The following ARMC3 variants were observed in gnomAD, a reference collection of about 807,000 sequenced individuals.
ARMC3 encodes the protein armadillo repeat-containing protein 3.
ARMC3 carries 74 observed loss-of-function variants against 90.3 expected under a neutral mutation model. The ratio of observed to expected loss-of-function variants is 0.82; its 90% CI spans 0.68 to 0.99. The LOEUF (loss-of-function observed/expected upper bound fraction) is 0.99, where lower values mean the gene tolerates loss of function less well. Ranked by LOEUF, ARMC3 falls within the 50% of genes least tolerant of loss-of-function variation. The pLI is 0.00. For synonymous variants in ARMC3, 334 were observed against 361.8 expected (o/e 0.92, Z 0.87); for missense variants, 958 against 1,042.8 (o/e 0.92, Z 1.12).
chr10:23,006,309 G>A (rs1837612846), intron 13 of ARMC3, among the ~76,000 whole-genome samples: 2 of 152,160 alleles, frequency 1.3e-5, no homozygotes, highest in African/African-American at 2.4e-5. Context: ...GCAGTGTCCT[G>A]GGCAGAAGAA....
chr10:23,003,333 C>T lies in ARMC3; in HGVS notation c.1650C>T (p.Asn550=), dbSNP rs1837409702. Residue 550 remains asparagine (N), a synonymous_variant, in exon 13 of 19, where the codon AAC becomes AAT. Transcript: ENST00000298032. ...CAGCTTATAATAAGTTGCTCAATAA[C>T]AATCTTTCCCTGAAATACAGCCAGA... ...SEAAYNKLLN[N]NLSLKYSQTG... is the part of the protein sequence containing the mutation. The T allele has an allele frequency of 1.9e-6, 3 of 1,613,288 alleles. No individual in the cohort carries two copies. Among genetic ancestry groups the T allele is most frequent in the East Asian group, 4.5e-5 (2 of 44,838 alleles).
intron 8 of ARMC3, among the ~76,000 whole-genome samples, chr10:22,970,882 T>C (rs1835653880): frequency 6.6e-6 from 1 of 152,230 alleles, no homozygotes; most frequent in African/African-American, 2.4e-5. Context: ...TTCTTGCTTT[T>C]TAAATTGTGG....
intron 8 of ARMC3, among the ~76,000 whole-genome samples, chr10:22,973,110 A>G (rs1390442313): frequency 6.6e-6 from 1 of 152,004 alleles, no homozygotes; most frequent in Non-Finnish European, 1.5e-5. Context: ...CCTGGTCAAC[A>G]GAGCAAGACC....
chr10:23,005,324 T>G (rs1251922848), intron 13 of ARMC3, among the ~76,000 whole-genome samples: 1 of 150,102 alleles, frequency 6.7e-6, no homozygotes, highest in East Asian at 2.0e-4. Context: ...TTGCCATAGA[T>G]CAGATAAAAT....
intron 2 of ARMC3, among the ~76,000 whole-genome samples, chr10:22,945,072 C>T (rs1321006891): frequency 1.3e-5 from 2 of 152,294 alleles, no homozygotes; most frequent in Admixed American, 6.5e-5. Flanking sequence ...CATTTCTCCT[C>T]CAAAAGGGAA....
In ARMC3 at chr10:22,928,110, A is replaced by G. The variant is rs12259759; in HGVS notation, c.-2+4A>G. ...ACTCGGCGGGATCTCCCGGCAGGTA[A>G]AGGTAACCCCGTGGGGTGGGGAGGC... On this transcript the variant is annotated splice_donor_region_variant and intron_variant, in intron 1 of 18. Transcript: ENST00000298032. The G allele has an allele frequency of 0.045, 6,852 of 152,622 alleles. 535 individuals carry two copies. Among genetic ancestry groups the G allele is most frequent in the African/African-American group, 0.15 (6,402 of 41,560 alleles). The allele number at this position is 152,622 out of a possible 1,614,324, so 9.5% of individuals were successfully genotyped here. A position where few individuals can be genotyped will look rare whatever the true frequency, so the allele number is the denominator to read the frequency against.
chr10:22,936,299 A>T (rs763282392), intron 2 of ARMC3, among the ~76,000 whole-genome samples: 4 of 152,196 alleles, frequency 2.6e-5, no homozygotes, highest in Non-Finnish European at 4.4e-5. Context: ...GCTATTTTTT[A>T]AAAAAGAAGT....
At chr10:23,003,166 T>C (rs1837396448) in intron 12 of ARMC3, 80 bp from the exon 13 acceptor site, 1 of 1,283,510 alleles carries the variant, frequency 7.8e-7, no homozygotes, top group East Asian at 2.4e-5. Flanking sequence ...TCCTTCAGGA[T>C]CTGAAGTCGG....
chr10:22,998,356 G>C lies in ARMC3; in HGVS notation c.1384G>C (p.Ala462Pro), dbSNP rs769301977. The C allele has an allele frequency of 1.9e-6, 3 of 1,613,916 alleles. No homozygotes were observed. Among genetic ancestry groups the C allele is most frequent in the African/African-American group, 2.7e-5 (2 of 74,946 alleles). ...AGTCGTGCAGAGCAAAGCTGCTCTC[G>C]CTGTCACCGCAACTGCGTGTGACGT... is the stretch of plus-strand genomic sequence containing the variant. ...NTVVQSKAAL[A>P]VTATACDVEA... Residue 462 changes from alanine to proline, a missense_variant, in exon 11 of 19, where the codon GCT becomes CCT. Transcript: ENST00000298032.
chr10:22,992,891 G>T (rs1346084789), intron 10 of ARMC3, among the ~76,000 whole-genome samples: 2 of 152,180 alleles, frequency 1.3e-5, no homozygotes, highest in Non-Finnish European at 2.9e-5. Context: ...CAGCCGGCAA[G>T]GCTTAAAAAT....
intron 10 of ARMC3, among the ~76,000 whole-genome samples, chr10:22,991,396 C>T (rs1231834111): frequency 1.3e-5 from 2 of 152,114 alleles, no homozygotes; most frequent in African/African-American, 4.8e-5. Flanking sequence ...TATCATTTCA[C>T]CCCAAAATAC....
At chr10:22,974,807 T>C (rs1835844871) in intron 8 of ARMC3, among the ~76,000 whole-genome samples, 2 of 152,104 alleles carry the variant, frequency 1.3e-5, no homozygotes, top group Admixed American at 1.3e-4. Context: ...CATGCTCATC[T>C]AATTTTTTAT....
intron 1 of ARMC3, among the ~76,000 whole-genome samples, chr10:22,929,551 C>T (rs1833851283): frequency 6.6e-6 from 1 of 151,950 alleles, no homozygotes; most frequent in African/African-American, 2.4e-5. Flanking sequence ...AACACATAGG[C>T]TTTTTTTGGG....
rs752252569 is a variant in ARMC3, at chr10:22,981,434, C to T, written c.1011C>T (p.Ser337=). ...ATGATGGAACTAAAATTGCTGCTTCCCAAGCTATTTCAGCAATGTGTGAGA... is the reference window on the plus strand; with the variant it reads ...ATGATGGAACTAAAATTGCTGCTTCTCAAGCTATTTCAGCAATGTGTGAGA... ...SENDGTKIAA[S]QAISAMCENS... Residue 337 remains serine, a synonymous_variant, in exon 9 of 19, where the codon TCC becomes TCT. Transcript: ENST00000298032. 6 of 1,614,030 alleles carry T rather than the reference C, an allele frequency of 3.7e-6. No individual in the cohort carries two copies. The highest frequency in any genetic ancestry group is 4.2e-6 in the Non-Finnish European group (5 of 1,180,002).
chr10:23,003,206 C>T lies in ARMC3; in HGVS notation c.1563-40C>T, dbSNP rs200778316. 246 of 1,578,568 alleles carry T rather than the reference C, an allele frequency of 1.6e-4. 5 individuals carry two copies. The African/African-American group carries it at 2.5e-3, about 16-fold the overall frequency. ...TAAGTGGAGACTCAGTATTGGATGG[C>T]TTGTATAAAGCAAATAATGCTTTTT... On this transcript the variant is annotated intron_variant, in intron 12 of 18. Transcript: ENST00000298032.
At chr10:22,928,875 G>A (rs1378854426) in intron 1 of ARMC3, among the ~76,000 whole-genome samples, 2 of 152,240 alleles carry the variant, frequency 1.3e-5, no homozygotes, top group East Asian at 1.9e-4. Flanking sequence ...TATGAACCCA[G>A]GAAGGGAAGG....
chr10:22,999,443 T>A (rs1217679864), intron 11 of ARMC3, among the ~76,000 whole-genome samples: 4 of 152,268 alleles, frequency 2.6e-5, no homozygotes, highest in Admixed American at 1.3e-4. Context: ...TCAACAAACA[T>A]CCTTTTATTT....
chr10:23,032,714 T>G, intron 17 of ARMC3, 147 bp from the exon 18 acceptor site: 1 of 787,988 alleles, frequency 1.3e-6, no homozygotes. Flanking sequence ...GCATAACTAT[T>G]TATGGTTAGT....
intron 2 of ARMC3, among the ~76,000 whole-genome samples, chr10:22,943,047 T>C (rs977098925): frequency 6.6e-6 from 1 of 152,156 alleles, no homozygotes; most frequent in Non-Finnish European, 1.5e-5. Context: ...TTATCTCTCA[T>C]GGGGGCAGGG....
Sources: gnomAD v4.1 joint callset for allele counts (sites outside exome capture counted in the v4.1 genomes callset) on GRCh38, gnomAD v4.1.1 for gene constraint, MANE v1.5 for transcripts, NCBI Gene and HGNC (gene_info 2026-07-23, HGNC 2026-07-21) for gene names.